Variants in MTR observed in about 807,000 individuals in gnomAD.
MTR encodes the protein methionine synthase.
In MTR, 84 loss-of-function variants were observed where a neutral mutation model predicts 154.8. The ratio of observed to expected loss-of-function variants is 0.54; its 90% CI spans 0.45 to 0.65. The LOEUF (loss-of-function observed/expected upper bound fraction) is 0.65. Ranked by LOEUF, MTR falls within the 30% of genes least tolerant of loss-of-function variation. The pLI, the probability that MTR is intolerant of heterozygous loss-of-function variation, is 0.00. For missense variants in MTR, 1,275 were observed against 1,570.2 expected, an observed-to-expected ratio of 0.81 and a Z score of 3.18; for synonymous variants, 554 against 553.9, an observed-to-expected ratio of 1.00 and a Z score of 0.00.
intron 22 of MTR, among the ~76,000 whole-genome samples, chr1:236,870,653 A>T (rs971673124): frequency 2.0e-5 from 3 of 152,170 alleles, no homozygotes; most frequent in Non-Finnish European, 1.5e-5. Flanking sequence ...TGTACTGACA[A>T]GTCCCAAATT....
intron 32 of MTR, among the ~76,000 whole-genome samples, 190 bp downstream of exon 32, chr1:236,897,308 A>AAG (rs57608445): frequency 7.6e-6 from 1 of 131,456 alleles, no homozygotes; most frequent in Non-Finnish European, 1.6e-5. Context: ...AGCCACACAC[A>AAG]CGCACACACA....
In MTR at chr1:236,860,763, T is replaced by A. The variant is rs556310988; in HGVS notation, c.2044-362T>A. ...TCTCTGTTAGCACATTTTACTGAGG[T>A]ATATTTTAAAGCATTTTTTAATTGG... On this transcript the variant is annotated intron_variant, in intron 19 of 32. Transcript: ENST00000366577. Among the ~76,000 whole-genome samples the A allele has an allele frequency of 2.0e-5, 3 of 152,368 alleles. No homozygotes were observed. In the South Asian group the frequency reaches 6.2e-4, roughly 32 times the overall value.
chr1:236,864,077 C>A (rs542762880), intron 22 of MTR, among the ~76,000 whole-genome samples: 3 of 152,266 alleles, frequency 2.0e-5, no homozygotes, highest in African/African-American at 7.2e-5. Flanking sequence ...AAGTAAAACC[C>A]CTTTCTATCT....
chr1:236,834,660 T>G (rs1401496091), intron 13 of MTR, among the ~76,000 whole-genome samples: 3 of 152,224 alleles, frequency 2.0e-5, no homozygotes, highest in Non-Finnish European at 4.4e-5. Flanking sequence ...CAGCATCTAC[T>G]ATTGATTTTA....
intron 22 of MTR, among the ~76,000 whole-genome samples, chr1:236,866,962 A>G (rs1664855265): frequency 6.6e-6 from 1 of 152,244 alleles, no homozygotes; most frequent in African/African-American, 2.4e-5. Flanking sequence ...TAAGGAAAGA[A>G]GCTGTCTCCT....
Position 236,889,209 on chromosome 1 carries a change from C to T in MTR, c.2880C>T (p.Val960=). ...AGCCCACGTTTATTGGGACCCAGGT[C>T]TTTGAAGACTATGACCTGCAGAAGC... ...PVKPTFIGTQ[V]FEDYDLQKLV... Residue 960 remains valine, a synonymous_variant, in exon 28 of 33, where the codon GTC becomes GTT. Coordinates refer to ENST00000366577, the MANE Select transcript of MTR (RefSeq NM_000254.3). 1 of 1,614,222 alleles carries T rather than the reference C, an allele frequency of 6.2e-7. No homozygotes were observed. Among genetic ancestry groups the T allele is most frequent in the Non-Finnish European group, 8.5e-7 (1 of 1,180,048 alleles).
Position 236,902,791 on chromosome 1 carries a change from A to T in MTR, c.*5147A>T, listed in dbSNP as rs1242616569. 2 of 152,180 alleles carry T rather than the reference A, an allele frequency of 1.3e-5. No homozygotes were observed. The highest frequency in any genetic ancestry group is 2.9e-5 in the Non-Finnish European group (2 of 68,062). 9.4% of individuals were successfully genotyped at this position (152,180 alleles called of 1,614,324 possible). A position where few individuals can be genotyped will look rare whatever the true frequency, so the allele number is the denominator to read the frequency against. On this transcript the variant is annotated 3_prime_UTR_variant, in exon 33 of 33. Transcript: ENST00000366577. ...TTTCATATTAGATGCGGCCCAAGTG[A>T]TACTTTCTTTACCGTCCCGTGAAGA...
chr1:236,795,660 G>C lies in MTR; in HGVS notation c.-44G>C, dbSNP rs771695379. The C allele has an allele frequency of 6.2e-7, 1 of 1,613,118 alleles. No individual in the cohort carries two copies. The highest frequency in any genetic ancestry group is 1.7e-4 in the Middle Eastern group (1 of 6,058). On this transcript the variant is annotated 5_prime_UTR_variant, in exon 1 of 33. Coordinates refer to ENST00000366577, the MANE Select transcript of MTR (RefSeq NM_000254.3). The stretch of plus-strand genomic sequence containing the variant: ...GGCCGTCGTCACCTGTGGAGAGCAC[G>C]TCTTCTCTGCCGCGCCCTCTGCGCA...
Position 236,874,759 on chromosome 1 carries a change from C to T in MTR, c.2507C>T (p.Ser836Phe). ...IIGLSGLITP[S>F]LDEMIFVAKE... is the part of the protein sequence containing the mutation. ...GGCCTGTCAGGACTCATCACTCCTT[C>T]CCTGGATGAAATGATTTTTGTTGCC... Residue 836 changes from serine to phenylalanine, a missense_variant, in exon 24 of 33, where the codon TCC (serine) becomes TTC (phenylalanine). Ser to Phe is a radical substitution (Grantham distance 155). Transcript: ENST00000366577. The T allele has an allele frequency of 6.2e-7, 1 of 1,611,426 alleles. No homozygotes were observed. The highest frequency in any genetic ancestry group is 8.5e-7 in the Non-Finnish European group (1 of 1,178,660).
intron 18 of MTR, 103 bp from the exon 19 acceptor site, chr1:236,859,730 G>A: frequency 1.1e-6 from 1 of 903,464 alleles, no homozygotes; most frequent in South Asian, 1.3e-5. Flanking sequence ...AAAAGTAAAA[G>A]AAGAATAAGA....
intron 16 of MTR, among the ~76,000 whole-genome samples, chr1:236,850,906 C>A (rs1210888299): frequency 6.6e-6 from 1 of 152,180 alleles, no homozygotes; most frequent in Admixed American, 6.5e-5. Flanking sequence ...AGAGCCTTCA[C>A]TTAGGTCCCA....
Position 236,900,598 on chromosome 1 carries a change from T to A in MTR, c.*2954T>A, listed in dbSNP as rs1011994007. The A allele has an allele frequency of 6.6e-6, 1 of 152,142 alleles. No individual in the cohort carries two copies. 9.4% of individuals were successfully genotyped at this position (152,142 alleles called of 1,614,324 possible). A position where few individuals can be genotyped will look rare whatever the true frequency, so the allele number is the denominator to read the frequency against. On this transcript the variant is annotated 3_prime_UTR_variant, in exon 33 of 33. Transcript: ENST00000366577. ...ATACTTTATAACTAATAGATAACAG[T>A]TTTTTACATATTAAATATGTTCTAC...
At position 236,861,114 on chromosome 1, in the gene MTR, G is replaced by GTTTTTTTTTT; in HGVS notation, c.2044-10_2044-9insTTTTTTTTTT. 1 of 541,860 alleles carries GTTTTTTTTTT rather than the reference G, an allele frequency of 1.8e-6. No individual in the cohort carries two copies. The highest frequency in any genetic ancestry group is 2.6e-6 in the Non-Finnish European group (1 of 384,630). 33.6% of individuals were successfully genotyped at this position (541,860 alleles called of 1,614,324 possible). ...TTCTTTTTCTTTTTTTTTTTTTTTT[G>GTTTTTTTTTT]TCTTTTTTAGGGCATTGAAAAACAT... On this transcript the variant is annotated splice_polypyrimidine_tract_variant and intron_variant, in intron 19 of 32. Coordinates refer to ENST00000366577, the MANE Select transcript of MTR (RefSeq NM_000254.3).
At chr1:236,884,388 A>G (rs1665907315) in intron 25 of MTR, among the ~76,000 whole-genome samples, 1 of 152,236 alleles carries the variant, frequency 6.6e-6, no homozygotes, top group Non-Finnish European at 1.5e-5. Context: ...TTCTTAACCC[A>G]GAGGGTTCCC....
chr1:236,826,750 C>A (rs537052349), intron 10 of MTR, 79 bp from the exon 11 acceptor site: 5 of 1,117,816 alleles, frequency 4.5e-6, no homozygotes, highest in East Asian at 2.3e-5. Context: ...GAAGTATAGA[C>A]GGCTTTTATG....
chr1:236,853,186 A>T, intron 18 of MTR, 98 bp downstream of exon 18: 1 of 1,344,154 alleles, frequency 7.4e-7, no homozygotes, highest in African/African-American at 1.4e-5. Context: ...AGAAGCAAAT[A>T]TCGAATCATA....
intron 3 of MTR, among the ~76,000 whole-genome samples, chr1:236,806,613 A>AT (rs1453324324): frequency 3.3e-5 from 5 of 152,192 alleles, no homozygotes; most frequent in African/African-American, 9.7e-5. Flanking sequence ...TATCATAATT[A>AT]TTTTTAAGTG....
intron 30 of MTR, chr1:236,895,151 T>G: frequency 1.6e-6 from 1 of 637,188 alleles, no homozygotes; most frequent in Admixed American, 2.6e-5. Context: ...AGAGCTCAGG[T>G]TGAGGCCAAA....
At chr1:236,859,606 ACT>A (rs1218167816) in intron 18 of MTR, among the ~76,000 whole-genome samples, 1 of 152,056 alleles carries the variant, frequency 6.6e-6, no homozygotes, top group Non-Finnish European at 1.5e-5. Context: ...ATGGAATTTT[ACT>A]CTGTCTCTAC....
Sources: allele counts gnomAD v4.1 joint callset (sites outside exome capture counted in the v4.1 genomes callset), GRCh38; gene constraint gnomAD v4.1.1; transcripts MANE v1.5; gene names NCBI Gene and HGNC (gene_info 2026-07-23, HGNC 2026-07-21).